ESR1: variants seen among roughly 807,000 people sequenced by gnomAD.
ESR1 encodes the protein estrogen receptor 1, also known as estrogen receptor.
In ESR1, 12 loss-of-function variants were observed where a neutral mutation model predicts 52.7. That is an observed-to-expected ratio of 0.23 (90% CI 0.15 to 0.37). The LOEUF (loss-of-function observed/expected upper bound fraction) is 0.37. ESR1 is among the 10% of genes least tolerant of loss of function. The probability of loss-of-function intolerance (pLI) is 1.00; values close to 1 mark genes in which losing one functional copy is unlikely to be tolerated. For synonymous variants in ESR1, 305 were observed against 316.8 expected, an observed-to-expected ratio of 0.96 and a Z score of 0.39; for missense variants, 584 against 779.7, an observed-to-expected ratio of 0.75 and a Z score of 2.99.
chr6:152,029,331 T>C (rs1438773788), intron 5 of ESR1, among the ~76,000 whole-genome samples: 1 of 152,140 alleles, frequency 6.6e-6, no homozygotes, highest in East Asian at 1.9e-4. Context: ...CTTCAGACGA[T>C]GAAAATTTTC....
intron 1 of ESR1, among the ~76,000 whole-genome samples, chr6:151,825,910 CAAAAA>C (rs3996305): frequency 1.3e-5 from 1 of 78,122 alleles, no homozygotes; most frequent in Non-Finnish European, 2.5e-5. Context: ...GACTCCATCT[CAAAAA>C]AAAAAAAAAA....
At chr6:151,760,879 T>C (rs1412568567) in intron 2 of ESR1, among the ~76,000 whole-genome samples, 4 of 152,238 alleles carry the variant, frequency 2.6e-5, no homozygotes, top group South Asian at 4.1e-4. Flanking sequence ...GATTAAAGTT[T>C]CACTTATCTA....
chr6:151,664,518 C>T (rs1777750940), intron 1 of ESR1, among the ~76,000 whole-genome samples: 1 of 152,060 alleles, frequency 6.6e-6, no homozygotes, highest in Non-Finnish European at 1.5e-5. Context: ...TGAAAAATAC[C>T]AGACACAGAT....
Position 151,842,643 on chromosome 6 carries a change from A to C in ESR1, c.499A>C (p.Ser167Arg). 6.2e-7 allele frequency: 1 copy of C among 1,613,886 alleles called. No homozygotes were observed. Among genetic ancestry groups the C allele is most frequent in the South Asian group, 1.1e-5 (1 of 91,074 alleles). Residue 167 changes from serine to arginine, a missense_variant, in exon 2 of 8, where the codon AGT becomes CGT. This residue lies in a region of ESR1 where 251 missense variants were observed against 246.1 expected (regional missense o/e 1.02). Transcript: ENST00000206249. Reference sequence around the variant, plus strand: ...CCAGGGTGGCAGAGAAAGATTGGCCAGTACCAATGACAAGGGAAGTATGGC... The same window carrying C: ...CCAGGGTGGCAGAGAAAGATTGGCCCGTACCAATGACAAGGGAAGTATGGC... ...RRQGGRERLA[S>R]TNDKGSMAME... is the part of the protein sequence containing the mutation.
chr6:151,936,552 T>G (rs6927072), intron 3 of ESR1, among the ~76,000 whole-genome samples: 79,141 of 152,082 alleles, frequency 0.52, 22,913 homozygotes, highest in Middle Eastern at 0.72. Flanking sequence ...TTAAAGGATT[T>G]TGTTAAACAG....
At chr6:151,678,727 C>T (rs1434926877) in intron 1 of ESR1, among the ~76,000 whole-genome samples, 1 of 150,172 alleles carries the variant, frequency 6.7e-6, no homozygotes, top group Admixed American at 6.6e-5. Flanking sequence ...TACTCCGTTG[C>T]CTGGGCTGGA....
chr6:151,939,718 A>C (rs1271597398), intron 3 of ESR1, among the ~76,000 whole-genome samples: 1 of 152,120 alleles, frequency 6.6e-6, no homozygotes, highest in Admixed American at 6.6e-5. Context: ...TCCATTCTTC[A>C]TTGAACCATA....
chr6:151,715,311 T>C (rs1381725495), intron 2 of ESR1, among the ~76,000 whole-genome samples: 14 of 152,146 alleles, frequency 9.2e-5, no homozygotes, highest in Admixed American at 9.2e-4. Context: ...GACAATTATG[T>C]GTCTTGGGGT....
intron 4 of ESR1, among the ~76,000 whole-genome samples, chr6:151,950,886 G>A (rs1434425150): frequency 6.6e-6 from 1 of 151,876 alleles, no homozygotes; most frequent in Non-Finnish European, 1.5e-5. Flanking sequence ...ATTAAAAATA[G>A]AATTTTCTTC....
chr6:152,003,865 C>T (rs1344362908), intron 4 of ESR1, among the ~76,000 whole-genome samples: 1 of 151,752 alleles, frequency 6.6e-6, no homozygotes, highest in African/African-American at 2.4e-5. Context: ...TAAGATATAT[C>T]CAGCTTTTGA....
At chr6:152,021,435 C>A (rs2043639809) in intron 5 of ESR1, among the ~76,000 whole-genome samples, 3 of 152,114 alleles carry the variant, frequency 2.0e-5, no homozygotes, top group Non-Finnish European at 4.4e-5. Flanking sequence ...TTCTGTCCCT[C>A]TAGAGAACCC....
At chr6:151,942,053 GAT>G (rs2035135079) in intron 3 of ESR1, among the ~76,000 whole-genome samples, 3 of 152,184 alleles carry the variant, frequency 2.0e-5, no homozygotes, top group Admixed American at 6.5e-5. Context: ...CAATAAGTGT[GAT>G]ACATCAGGTA....
chr6:151,775,169 A>T (rs1027065216), intron 2 of ESR1, among the ~76,000 whole-genome samples: 1 of 152,242 alleles, frequency 6.6e-6, no homozygotes, highest in African/African-American at 2.4e-5. Context: ...TCCCGTGGAG[A>T]GGAAGTACCC....
chr6:151,895,133 GTTTTT>G (rs34563069), intron 3 of ESR1, among the ~76,000 whole-genome samples: 2 of 125,876 alleles, frequency 1.6e-5, no homozygotes, highest in African/African-American at 3.0e-5. Context: ...GTTTTTTTTG[GTTTTT>G]TTTTTTTTTT....
At chr6:151,792,386 TTCAA>T (rs1281436252) in intron 2 of ESR1, among the ~76,000 whole-genome samples, 6 of 152,184 alleles carry the variant, frequency 3.9e-5, no homozygotes, top group Admixed American at 3.3e-4. Context: ...TTTTTCTTTC[TTCAA>T]TCAATAATAA....
exon 7 of ESR1, chr6:152,126,294 T>G (rs2053418971): frequency 6.6e-6 from 1 of 152,212 alleles, no homozygotes; most frequent in Non-Finnish European, 1.5e-5. Flanking sequence ...CTGCCTCATC[T>G]TCAGGGGGAA....
At chr6:151,952,395 C>A (rs1238985007) in intron 4 of ESR1, among the ~76,000 whole-genome samples, 1 of 152,084 alleles carries the variant, frequency 6.6e-6, no homozygotes, top group Non-Finnish European at 1.5e-5. Context: ...CTCCTTGGCC[C>A]ACGCTTTCCC....
At chr6:151,924,400 G>GT (rs113328544) in intron 3 of ESR1, among the ~76,000 whole-genome samples, 9,653 of 152,024 alleles carry the variant, frequency 0.063, 573 homozygotes, top group African/African-American at 0.15. Context: ...TTTGCCAACT[G>GT]TATTTTTTTT....
chr6:151,828,206 C>T lies in ESR1; in HGVS notation c.453-14391C>T, dbSNP rs768968092. ...TCTTTAATTATTTTGGGGGATATCACGGAATGAGTTCTACACAATTCATTT... is the reference window on the plus strand; with the variant it reads ...TCTTTAATTATTTTGGGGGATATCATGGAATGAGTTCTACACAATTCATTT... On this transcript the variant is annotated intron_variant, in intron 1 of 7. Transcript: ENST00000206249. Among the ~76,000 whole-genome samples, 5 of 151,606 alleles carry T rather than the reference C, an allele frequency of 3.3e-5. No individual in the cohort carries two copies. In the South Asian group the frequency reaches 6.3e-4, roughly 19 times the overall value.
Sources: allele counts gnomAD v4.1 joint callset (sites outside exome capture counted in the v4.1 genomes callset), GRCh38; gene constraint gnomAD v4.1.1; regional missense constraint gnomAD v4.1.1; transcripts MANE v1.5; gene names NCBI Gene and HGNC (gene_info 2026-07-23, HGNC 2026-07-21).